TPR: variants seen among roughly 807,000 people sequenced by gnomAD.
The protein encoded by TPR is translocated promoter region, nuclear basket protein.
In TPR, 51 loss-of-function variants were observed where a neutral mutation model predicts 316.1. The ratio of observed to expected loss-of-function variants is 0.16; its 90% CI spans 0.13 to 0.20. The LOEUF (loss-of-function observed/expected upper bound fraction) is 0.20, where lower values mean the gene tolerates loss of function less well. TPR is among the 10% of genes least tolerant of loss of function. The pLI, the probability that TPR is intolerant of heterozygous loss-of-function variation, is 1.00. For missense variants in TPR, 2,272 were observed against 2,754.8 expected (o/e 0.82, Z 3.92); for synonymous variants, 981 against 914.7 (o/e 1.07, Z -1.31).
At chr1:186,330,188 C>T (rs1432413310) in intron 39 of TPR, among the ~76,000 whole-genome samples, 4 of 152,136 alleles carry the variant, frequency 2.6e-5, no homozygotes, top group East Asian at 1.9e-4. Context: ...AAAAGTTACC[C>T]GTAGGTCAAG....
chr1:186,373,981 A>G (rs1036797762), intron 1 of TPR, among the ~76,000 whole-genome samples: 3 of 152,220 alleles, frequency 2.0e-5, no homozygotes, highest in African/African-American at 4.8e-5. Context: ...AAGACATTCA[A>G]TATTTATGGT....
In TPR at chr1:186,368,113, A is replaced by T. The variant is rs1222852638; in HGVS notation, c.331-131T>A. On this transcript the variant is annotated intron_variant, in intron 3 of 50. Coordinates refer to ENST00000367478, the MANE Select transcript of TPR (RefSeq NM_003292.3). ...GCTTTCTCTTATAACTTACACATCA[A>T]AGTTAAAAAATACCCGTAATTCCAA... 5.2e-6 allele frequency: 3 copies of T among 571,780 alleles called. No homozygotes were observed. In the African/African-American group the frequency reaches 5.6e-5, roughly 11 times the overall value. The allele number at this position is 571,780 out of a possible 1,614,324, so 35.4% of individuals were successfully genotyped here.
chr1:186,334,967 C>T, intron 35 of TPR, 101 bp downstream of exon 35: 1 of 1,212,488 alleles, frequency 8.2e-7, no homozygotes. Flanking sequence ...TATGTTTTTA[C>T]AATAGAATAC....
At chr1:186,336,097 C>G (rs1346865583) in intron 33 of TPR, among the ~76,000 whole-genome samples, 1 of 152,056 alleles carries the variant, frequency 6.6e-6, no homozygotes, top group Non-Finnish European at 1.5e-5. Context: ...CCCTGAAAAG[C>G]TAGAGGGGTC....
chr1:186,349,382 T>C (rs368940750), intron 21 of TPR, among the ~76,000 whole-genome samples: 5 of 152,096 alleles, frequency 3.3e-5, no homozygotes, highest in Admixed American at 1.3e-4. Flanking sequence ...GGCTGGGCGC[T>C]GTGGCTTACG....
intron 38 of TPR, 33 bp downstream of exon 38, chr1:186,332,160 TAA>T (rs1219287928): frequency 6.3e-7 from 1 of 1,583,496 alleles, no homozygotes; most frequent in Non-Finnish European, 8.6e-7. Flanking sequence ...ACTCTACTGG[TAA>T]AAGTTAAAAT....
chr1:186,359,686 T>G (rs1355152091), intron 12 of TPR, 113 bp downstream of exon 12: 2 of 1,092,184 alleles, frequency 1.8e-6, no homozygotes, highest in Non-Finnish European at 2.6e-6. Flanking sequence ...ATGTGTTTAT[T>G]GAAAATCGTA....
rs200110143 is a variant in TPR, at chr1:186,315,638, TC to T, written c.6941-915del. The stretch of plus-strand genomic sequence containing the variant: ...GTATGCAGCAGCCAAACTGATCAGA[TC>T]ATGTCATGTCATTATTCTGTGTGAA... On this transcript the variant is annotated intron_variant, in intron 49 of 50. Coordinates refer to ENST00000367478, the MANE Select transcript of TPR (RefSeq NM_003292.3). 3.7e-3 allele frequency among the ~76,000 whole-genome samples: 562 copies of T among 151,942 alleles called. 5 individuals carry two copies. The highest frequency in any genetic ancestry group is 0.013 in the African/African-American group (545 of 41,426).
At chr1:186,354,401 T>C (rs886409473) in intron 17 of TPR, among the ~76,000 whole-genome samples, 3 of 152,230 alleles carry the variant, frequency 2.0e-5, no homozygotes, top group Non-Finnish European at 2.9e-5. Context: ...GGGTTAGTGA[T>C]GGATTTTTGC....
chr1:186,369,620 T>C (rs1201837518), intron 3 of TPR, among the ~76,000 whole-genome samples: 1 of 152,140 alleles, frequency 6.6e-6, no homozygotes, highest in Non-Finnish European at 1.5e-5. Context: ...AATTCACTTA[T>C]TAGCTCTGAC....
intron 42 of TPR, among the ~76,000 whole-genome samples, chr1:186,324,095 G>C (rs116325724): frequency 3.9e-5 from 6 of 152,136 alleles, no homozygotes; most frequent in Non-Finnish European, 7.4e-5. Context: ...TAACCTCTTT[G>C]AGTCTATTTT....
intron 12 of TPR, among the ~76,000 whole-genome samples, chr1:186,359,469 T>C (rs970737280): frequency 3.3e-5 from 5 of 152,080 alleles, no homozygotes; most frequent in African/African-American, 1.2e-4. Context: ...TAGGAGAGTT[T>C]TATTACACAG....
At chr1:186,336,892 A>T in intron 32 of TPR, 121 bp downstream of exon 32, 5 of 1,475,084 alleles carry the variant, frequency 3.4e-6, no homozygotes, top group East Asian at 2.3e-5. Flanking sequence ...GAGCCATTCA[A>T]AGTAAAAAGA....
chr1:186,353,587 T>G, intron 18 of TPR, 101 bp downstream of exon 18: 1 of 1,364,770 alleles, frequency 7.3e-7, no homozygotes, highest in Non-Finnish European at 1.0e-6. Flanking sequence ...CCAAACTTCT[T>G]AAATACCTAA....
chr1:186,321,886 C>T (rs971964936), intron 45 of TPR, among the ~76,000 whole-genome samples: 4 of 152,202 alleles, frequency 2.6e-5, no homozygotes, highest in African/African-American at 9.7e-5. Context: ...TGTCAGGTAA[C>T]ATCTTAAACA....
At chr1:186,362,481 TC>T in intron 6 of TPR, 101 bp from the exon 7 acceptor site, 1 of 826,346 alleles carries the variant, frequency 1.2e-6, no homozygotes. Context: ...TAACTCCCCC[TC>T]CCCACCTGAA....
intron 39 of TPR, among the ~76,000 whole-genome samples, chr1:186,331,194 AC>A (rs1288979955): frequency 6.6e-6 from 1 of 152,100 alleles, no homozygotes; most frequent in Non-Finnish European, 1.5e-5. Flanking sequence ...TCAAGATGCA[AC>A]CAGCACTCTT....
rs1657802221 is a variant in TPR, at chr1:186,322,533, T to C, written c.6351A>G (p.Pro2117=). 6.2e-7 allele frequency: 1 copy of C among 1,613,976 alleles called. No homozygotes were observed. Among genetic ancestry groups the C allele is most frequent in the Non-Finnish European group, 8.5e-7 (1 of 1,179,978 alleles). Residue 2117 remains proline, a synonymous_variant, in exon 44 of 51, where the codon CCA becomes CCG. Transcript: ENST00000367478. ...AAGTACTTACCATGCCACCTATTCC[T>C]GGAGTCAACTGAAGGCCACGTCCTA... The part of the protein sequence containing the change: ...QSVGRGLQLT[P]GIGGMQQHFF...
Position 186,362,315 on chromosome 1 carries a change from C to T in TPR, c.762G>A (p.Val254=), listed in dbSNP as rs1659219460. Residue 254 remains valine (V), a synonymous_variant, in exon 7 of 51, where the codon GTG becomes GTA. Transcript: ENST00000367478. ...CTTTTAATTTGGTCAACAGATCCTC[C>T]ACATGCTTTTGAAGATGTTCATTTG... ...KTSNEHLQKH[V]EDLLTKLKEA... is the part of the protein sequence containing the mutation. The T allele has an allele frequency of 7.4e-6, 12 of 1,612,164 alleles. No homozygotes were observed. Among genetic ancestry groups the T allele is most frequent in the Middle Eastern group, 1.6e-4 (1 of 6,074 alleles).
Sources: allele counts gnomAD v4.1 joint callset (sites outside exome capture counted in the v4.1 genomes callset), GRCh38; gene constraint gnomAD v4.1.1; transcripts MANE v1.5; gene names NCBI Gene and HGNC (gene_info 2026-07-23, HGNC 2026-07-21).